The following PDGFRA variants were observed in gnomAD, a reference collection of about 807,000 sequenced individuals.
PDGFRA encodes the protein platelet-derived growth factor receptor alpha.
A neutral mutation model predicts 121.5 loss-of-function variants in PDGFRA; 25 were observed. The ratio of observed to expected loss-of-function variants is 0.21; its 90% CI spans 0.15 to 0.29. The LOEUF is 0.29. PDGFRA is among the 10% of genes least tolerant of loss of function. The pLI is 1.00. For missense variants in PDGFRA, 1,008 were observed against 1,345.1 expected, an observed-to-expected ratio of 0.75 and a Z score of 3.92; for synonymous variants, 463 against 494.8, an observed-to-expected ratio of 0.94 and a Z score of 0.85.
chr4:54,264,979 C>T lies in PDGFRA; in HGVS notation c.689C>T (p.Thr230Met), dbSNP rs752886996. The change falls in exon 5 of 23, where the codon ACG becomes ATG. Residue 230 changes from threonine to methionine, a missense_variant. This residue lies in a region of PDGFRA where 575 missense variants were observed against 701.8 expected (regional missense o/e 0.82). Coordinates refer to ENST00000257290, the MANE Select transcript of PDGFRA (RefSeq NM_006206.6). ...AAAACCGTGTATAAGTCAGGGGAAA[C>T]GATTGTGGTCACCTGTGCTGTTTTT... Reference protein sequence around the residue: ...ALKTVYKSGETIVVTCAVFNN... With the variant: ...ALKTVYKSGEMIVVTCAVFNN... The T allele has an allele frequency of 5.6e-6, 9 of 1,612,574 alleles. No individual in the cohort carries two copies. Among genetic ancestry groups the T allele is most frequent in the South Asian group, 2.2e-5 (2 of 91,060 alleles).
intron 11 of PDGFRA, 62 bp from the exon 12 acceptor site, chr4:54,274,779 G>A (rs1723622001): frequency 6.3e-7 from 1 of 1,590,574 alleles, no homozygotes; most frequent in African/African-American, 1.3e-5. Flanking sequence ...TGCTGCTTCA[G>A]TGAAGCTCTG....
intron 1 of PDGFRA, among the ~76,000 whole-genome samples, chr4:54,244,730 C>T (rs1474648243): frequency 3.3e-5 from 5 of 152,228 alleles, no homozygotes; most frequent in African/African-American, 4.8e-5. Flanking sequence ...ATGACTTTGA[C>T]GAGTTGAGAG....
At chr4:54,290,271 G>C (rs751401486) in intron 21 of PDGFRA, 42 bp from the exon 22 acceptor site, 31 of 1,535,326 alleles carry the variant, frequency 2.0e-5, no homozygotes, top group Non-Finnish European at 2.8e-5. Flanking sequence ...TTGAGGTTTG[G>C]TTGTTAACAC....
chr4:54,272,490 T>C lies in PDGFRA; in HGVS notation c.1334T>C (p.Ile445Thr), dbSNP rs2110287393. 3 of 1,614,048 alleles carry C rather than the reference T, an allele frequency of 1.9e-6. No homozygotes were observed. Among genetic ancestry groups the C allele is most frequent in the Non-Finnish European group, 2.5e-6 (3 of 1,179,970 alleles). The change falls in exon 9 of 23, where the codon ATT becomes ACT. Residue 445 changes from isoleucine (I) to threonine (T), a missense_variant. Ile to Thr is a moderately conservative substitution (Grantham distance 89). This residue lies in a region of PDGFRA where 575 missense variants were observed against 701.8 expected (regional missense o/e 0.82). Transcript: ENST00000257290. The part of the protein sequence containing the change: ...CTAEGTPLPD[I>T]EWMICKDIKK... ...GCTGAAGGCACGCCGCTTCCTGATA[T>C]TGAGTGGATGATATGCAAAGATATT...
chr4:54,280,012 T>C (rs1394614081), intron 15 of PDGFRA, among the ~76,000 whole-genome samples: 1 of 152,182 alleles, frequency 6.6e-6, no homozygotes, highest in Non-Finnish European at 1.5e-5. Context: ...TTCCACATTT[T>C]TTCAATATGT....
chr4:54,254,809 G>A (rs1471795311), intron 1 of PDGFRA, among the ~76,000 whole-genome samples: 1 of 152,180 alleles, frequency 6.6e-6, no homozygotes, highest in Non-Finnish European at 1.5e-5. Context: ...TGCATCCCAG[G>A]CACATGCCGG....
chr4:54,272,705 A>G (rs150873295), intron 9 of PDGFRA, among the ~76,000 whole-genome samples, 185 bp downstream of exon 9: 156 of 152,294 alleles, frequency 1.0e-3, no homozygotes, highest in African/African-American at 3.6e-3. Flanking sequence ...TAGACCTTCA[A>G]AATGTCTCCA....
rs182516324 is a variant in PDGFRA, at chr4:54,289,054, A to G, written c.2820A>G (p.Arg940=). 6 of 1,611,830 alleles carry G rather than the reference A, an allele frequency of 3.7e-6. No individual in the cohort carries two copies. The highest frequency in any genetic ancestry group is 1.7e-4 in the Middle Eastern group (1 of 6,056). ...GCTGGAACAGTGAGCCGGAGAAGAG[A>G]CCCTCCTTTTACCACCTGAGTGAGA... The part of the protein sequence containing the change: ...VKCWNSEPEK[R]PSFYHLSEIV... The change falls in exon 21 of 23, where the codon AGA becomes AGG. Residue 940 remains arginine (R), a synonymous_variant. Coordinates refer to ENST00000257290, the MANE Select transcript of PDGFRA (RefSeq NM_006206.6).
chr4:54,250,043 C>G (rs538931062), intron 1 of PDGFRA, among the ~76,000 whole-genome samples: 3 of 151,948 alleles, frequency 2.0e-5, no homozygotes, highest in African/African-American at 7.3e-5. Context: ...CTAATGCAAA[C>G]GTGAAATGTG....
intron 16 of PDGFRA, chr4:54,282,074 T>G: frequency 6.6e-6 from 4 of 607,468 alleles, no homozygotes; most frequent in Non-Finnish European, 8.4e-6. Flanking sequence ...GTAGCTGAGA[T>G]GATTTGCTAA....
chr4:54,261,501 A>G (rs1195162363), intron 3 of PDGFRA, 89 bp downstream of exon 3: 1 of 735,770 alleles, frequency 1.4e-6, no homozygotes, highest in Non-Finnish European at 2.2e-6. Context: ...TATATAAATA[A>G]TTAATATTTA....
intron 5 of PDGFRA, among the ~76,000 whole-genome samples, chr4:54,265,570 T>A (rs1245384989): frequency 6.6e-6 from 1 of 152,186 alleles, no homozygotes; most frequent in African/African-American, 2.4e-5. Context: ...TGAACCGTTA[T>A]GATGTAATCA....
At chr4:54,291,973 A>G (rs1040764666) in intron 22 of PDGFRA, among the ~76,000 whole-genome samples, 24 of 152,148 alleles carry the variant, frequency 1.6e-4, no homozygotes, top group Non-Finnish European at 2.5e-4. Context: ...CTGAGATACC[A>G]TCTCCCACCA....
At chr4:54,246,369 C>G (rs1721663200) in intron 1 of PDGFRA, among the ~76,000 whole-genome samples, 1 of 152,208 alleles carries the variant, frequency 6.6e-6, no homozygotes, top group Non-Finnish European at 1.5e-5. Context: ...CAAACTGTCT[C>G]TCAGACCACA....
At chr4:54,283,220 T>C (rs1311706281) in intron 16 of PDGFRA, among the ~76,000 whole-genome samples, 1 of 152,226 alleles carries the variant, frequency 6.6e-6, no homozygotes, top group Admixed American at 6.5e-5. Flanking sequence ...AGTGCCCTAG[T>C]AGAGGTTCTC....
At chr4:54,257,014 G>A (rs1413908084) in intron 1 of PDGFRA, among the ~76,000 whole-genome samples, 1 of 152,022 alleles carries the variant, frequency 6.6e-6, no homozygotes, top group African/African-American at 2.4e-5. Flanking sequence ...GGGCAACAGT[G>A]CAAGACCCTG....
chr4:54,259,322 G>T (rs1403639658), intron 2 of PDGFRA, among the ~76,000 whole-genome samples: 1 of 152,128 alleles, frequency 6.6e-6, no homozygotes. Flanking sequence ...TAAAAAAAAT[G>T]TTCAAAGGAA....
intron 5 of PDGFRA, among the ~76,000 whole-genome samples, chr4:54,266,148 A>G (rs1723015959): frequency 6.6e-6 from 1 of 152,202 alleles, no homozygotes; most frequent in East Asian, 1.9e-4. Context: ...TAACACATAA[A>G]CACTGCTTTC....
chr4:54,278,189 G>A, intron 14 of PDGFRA, 173 bp from the exon 15 acceptor site: 3 of 700,062 alleles, frequency 4.3e-6, no homozygotes, highest in South Asian at 3.4e-5. Context: ...AAAATCTGTT[G>A]CCAGTCCAGT....
Sources: allele counts gnomAD v4.1 joint callset (sites outside exome capture counted in the v4.1 genomes callset), GRCh38; gene constraint gnomAD v4.1.1; regional missense constraint gnomAD v4.1.1; transcripts MANE v1.5; gene names NCBI Gene and HGNC (gene_info 2026-07-23, HGNC 2026-07-21).